GSAP: variants seen among roughly 807,000 people sequenced by gnomAD.
GSAP encodes gamma-secretase-activating protein.
A neutral mutation model predicts 131.7 loss-of-function variants in GSAP; 118 were observed. The ratio of observed to expected loss-of-function variants is 0.90; its 90% confidence interval spans 0.77 to 1.04. GSAP has a LOEUF of 1.04. Among genes scored for constraint, GSAP ranks in the 50% least tolerant of loss-of-function variants. GSAP has a pLI of 0.00. For missense variants in GSAP, 1,019 were observed against 1,013.2 expected (o/e 1.01, Z -0.08); for synonymous variants, 381 against 363.4 (o/e 1.05, Z -0.55).
chr7:77,350,672 G>A (rs1401379438), intron 18 of GSAP, among the ~76,000 whole-genome samples: 1 of 152,038 alleles, frequency 6.6e-6, no homozygotes, highest in Non-Finnish European at 1.5e-5. Flanking sequence ...GAACCTGGGA[G>A]ATGGAGGTTG....
At chr7:77,393,671 TTTC>T (rs1275673151) in intron 5 of GSAP, among the ~76,000 whole-genome samples, 5 of 144,250 alleles carry the variant, frequency 3.5e-5, no homozygotes, top group African/African-American at 1.3e-4. Context: ...ACATATATAC[TTTC>T]TTTTTTTTTT....
At chr7:77,394,244 C>G (rs1378966409) in intron 5 of GSAP, among the ~76,000 whole-genome samples, 1 of 152,162 alleles carries the variant, frequency 6.6e-6, no homozygotes, top group Non-Finnish European at 1.5e-5. Context: ...CCATCTGCAC[C>G]TCACCTCTTT....
intron 14 of GSAP, among the ~76,000 whole-genome samples, chr7:77,356,963 A>T (rs923771700): frequency 6.6e-6 from 1 of 152,236 alleles, no homozygotes; most frequent in African/African-American, 2.4e-5. Flanking sequence ...AAATGGTTGC[A>T]ATCATCTTAT....
In GSAP at chr7:77,329,381, T is replaced by C. The variant is rs1464142249; in HGVS notation, c.1685A>G (p.Lys562Arg). 4 of 1,582,864 alleles carry C rather than the reference T, an allele frequency of 2.5e-6. No homozygotes were observed. The highest frequency in any genetic ancestry group is 3.4e-6 in the Non-Finnish European group (4 of 1,162,094). ...CCTCACGTATGCCGCAGACCTTCTT[T>C]TTCCTGTTTTCTAGGAGTGAGAACA... ...HNLISEEKTGKRRSAAYVRNI... is the reference protein window; with the variant it reads ...HNLISEEKTGRRRSAAYVRNI... The change falls in exon 21 of 31, where the codon AAA (lysine) becomes AGA (arginine). Residue 562 changes from lysine to arginine, a missense_variant. Coordinates refer to ENST00000257626, the MANE Select transcript of GSAP (RefSeq NM_017439.4).
chr7:77,383,164 G>A (rs1339993527), intron 6 of GSAP, among the ~76,000 whole-genome samples: 1 of 152,180 alleles, frequency 6.6e-6, no homozygotes, highest in Non-Finnish European at 1.5e-5. Flanking sequence ...TCTAGCCTGG[G>A]TGATAGAGCA....
intron 23 of GSAP, among the ~76,000 whole-genome samples, chr7:77,324,676 A>C (rs1262124362): frequency 1.3e-5 from 2 of 152,140 alleles, no homozygotes; most frequent in Non-Finnish European, 1.5e-5. Context: ...CATAGTGCAT[A>C]CTTCTTTGTG....
At chr7:77,404,787 A>G (rs1055472460) in intron 2 of GSAP, among the ~76,000 whole-genome samples, 172 bp from the exon 3 acceptor site, 9 of 152,220 alleles carry the variant, frequency 5.9e-5, no homozygotes, top group Non-Finnish European at 1.3e-4. Context: ...ATTTGGGCTC[A>G]AAGAATGAAA....
At chr7:77,415,882 G>T in intron 1 of GSAP, 1 of 262,076 alleles carries the variant, frequency 3.8e-6, no homozygotes, top group Non-Finnish European at 7.3e-6. Flanking sequence ...GCTGAGCTGA[G>T]CACGACCCTC....
chr7:77,348,367 A>G (rs1483092665), intron 19 of GSAP, among the ~76,000 whole-genome samples: 4 of 152,084 alleles, frequency 2.6e-5, no homozygotes, highest in African/African-American at 9.7e-5. Flanking sequence ...GGAAACACAG[A>G]TCATCAGTCT....
intron 18 of GSAP, chr7:77,351,549 A>T (rs746798666): frequency 2.0e-6 from 2 of 985,450 alleles, no homozygotes; most frequent in Non-Finnish European, 2.4e-6. Context: ...TCCAACCACA[A>T]GAAGTTTAAA....
At chr7:77,346,082 C>A (rs536646856) in intron 19 of GSAP, among the ~76,000 whole-genome samples, 5 of 151,172 alleles carry the variant, frequency 3.3e-5, no homozygotes, top group Non-Finnish European at 4.4e-5. Flanking sequence ...CCAGCCTGAC[C>A]AACATGGTGA....
intron 19 of GSAP, among the ~76,000 whole-genome samples, chr7:77,332,468 G>C (rs1789304875): frequency 6.6e-6 from 1 of 152,156 alleles, no homozygotes; most frequent in African/African-American, 2.4e-5. Context: ...AGAAGAAACA[G>C]ATCAAACAGA....
chr7:77,346,827 A>C (rs1791952458), intron 19 of GSAP, among the ~76,000 whole-genome samples: 1 of 151,982 alleles, frequency 6.6e-6, no homozygotes, highest in African/African-American at 2.4e-5. Flanking sequence ...CTGATGTTAT[A>C]ATATCGGGTA....
At chr7:77,357,730 T>C (rs184751245) in intron 14 of GSAP, among the ~76,000 whole-genome samples, 1 of 151,762 alleles carries the variant, frequency 6.6e-6, no homozygotes, top group Non-Finnish European at 1.5e-5. Flanking sequence ...AAGCTTGCTC[T>C]AGAGGCTGGA....
chr7:77,373,604 G>C (rs1321374397), intron 12 of GSAP, among the ~76,000 whole-genome samples: 2 of 152,080 alleles, frequency 1.3e-5, no homozygotes, highest in Admixed American at 1.3e-4. Flanking sequence ...TATGAAAACT[G>C]GTATTAAGGA....
intron 8 of GSAP, among the ~76,000 whole-genome samples, chr7:77,377,995 C>T (rs1271146935): frequency 6.6e-6 from 1 of 152,234 alleles, no homozygotes; most frequent in African/African-American, 2.4e-5. Context: ...AAAGCCTTCC[C>T]TCACATCCCC....
At chr7:77,414,791 C>T (rs1803975597) in intron 1 of GSAP, among the ~76,000 whole-genome samples, 1 of 145,126 alleles carries the variant, frequency 6.9e-6, no homozygotes, top group Admixed American at 7.0e-5. Flanking sequence ...ACAGAGCTGC[C>T]TGTTGTATTT....
chr7:77,402,882 C>A (rs756372905), intron 3 of GSAP, among the ~76,000 whole-genome samples: 30 of 152,110 alleles, frequency 2.0e-4, no homozygotes, highest in Non-Finnish European at 3.5e-4. Context: ...ATTCAAAGCA[C>A]CTTTGTCACT....
chr7:77,369,843 A>C (rs1248438104), intron 12 of GSAP, among the ~76,000 whole-genome samples: 2 of 152,226 alleles, frequency 1.3e-5, no homozygotes, highest in African/African-American at 2.4e-5. Context: ...GTCAAAAAAC[A>C]AAAGGTTGCT....
Sources: gnomAD v4.1 joint callset for allele counts (sites outside exome capture counted in the v4.1 genomes callset) on GRCh38, gnomAD v4.1.1 for gene constraint, MANE v1.5 for transcripts, NCBI Gene and HGNC (gene_info 2026-07-23, HGNC 2026-07-21) for gene names.